The following IMMP2L variants were observed in gnomAD, a reference collection of about 807,000 sequenced individuals.
IMMP2L encodes mitochondrial inner membrane protease subunit 2.
In IMMP2L, 18 loss-of-function variants were observed where a neutral mutation model predicts 19.3. The ratio of observed to expected loss-of-function variants is 0.93; its 90% confidence interval spans 0.64 to 1.38. The LOEUF is 1.38. Among genes scored for constraint, IMMP2L ranks in the 40% most tolerant of loss-of-function variants. The probability of loss-of-function intolerance (pLI) is 0.00; values close to 1 mark genes in which losing one functional copy is unlikely to be tolerated. For missense variants in IMMP2L, 233 were observed against 218.2 expected (o/e 1.07, Z -0.43); for synonymous variants, 76 against 73.0 (o/e 1.04, Z -0.21).
At chr7:110,996,377 G>A (rs1823030972) in intron 3 of IMMP2L, among the ~76,000 whole-genome samples, 1 of 152,100 alleles carries the variant, frequency 6.6e-6, no homozygotes, top group South Asian at 2.1e-4. Context: ...GAGAGAACGA[G>A]AGGGGGGTTG....
At chr7:111,255,018 A>G (rs184843604) in intron 3 of IMMP2L, among the ~76,000 whole-genome samples, 3 of 152,226 alleles carry the variant, frequency 2.0e-5, no homozygotes, top group Non-Finnish European at 4.4e-5. Flanking sequence ...ACTACTTTAA[A>G]TTTTTAATCT....
At chr7:110,804,102 T>G (rs555461668) in intron 5 of IMMP2L, among the ~76,000 whole-genome samples, 1 of 152,172 alleles carries the variant, frequency 6.6e-6, no homozygotes, top group African/African-American at 2.4e-5. Context: ...AAACCACATG[T>G]AAACACTCTA....
At chr7:110,770,343 CATT>C (rs1415715028) in intron 5 of IMMP2L, among the ~76,000 whole-genome samples, 1 of 152,056 alleles carries the variant, frequency 6.6e-6, no homozygotes, top group Non-Finnish European at 1.5e-5. Flanking sequence ...TAATGGCACT[CATT>C]AGTGAATTAC....
At chr7:111,170,578 T>C (rs1490891137) in intron 3 of IMMP2L, among the ~76,000 whole-genome samples, 1 of 151,592 alleles carries the variant, frequency 6.6e-6, no homozygotes, top group Non-Finnish European at 1.5e-5. Flanking sequence ...CTTAGAGAGG[T>C]AGAGAATGTG....
chr7:110,801,157 T>C (rs1276264465), intron 5 of IMMP2L, among the ~76,000 whole-genome samples: 2 of 152,098 alleles, frequency 1.3e-5, no homozygotes, highest in African/African-American at 4.8e-5. Flanking sequence ...CACCTCAGTT[T>C]CCACCAGCTT....
At chr7:111,087,482 C>T (rs148028335) in intron 3 of IMMP2L, among the ~76,000 whole-genome samples, 217 of 150,190 alleles carry the variant, frequency 1.4e-3, no homozygotes, top group African/African-American at 4.7e-3. Flanking sequence ...CAACGAAACA[C>T]TAGAATAGCT....
chr7:110,905,270 T>C (rs1182726264), intron 4 of IMMP2L, among the ~76,000 whole-genome samples: 3 of 152,228 alleles, frequency 2.0e-5, no homozygotes, highest in Middle Eastern at 3.2e-3. Flanking sequence ...TTATCATTAA[T>C]GTTTAAATCA....
chr7:110,812,107 T>A (rs1802083068), intron 5 of IMMP2L, among the ~76,000 whole-genome samples: 1 of 152,062 alleles, frequency 6.6e-6, no homozygotes, highest in Admixed American at 6.6e-5. Flanking sequence ...TATGTATATA[T>A]ACATAAATGT....
chr7:111,062,531 A>G (rs545983171), intron 3 of IMMP2L, among the ~76,000 whole-genome samples: 2 of 152,294 alleles, frequency 1.3e-5, no homozygotes, highest in South Asian at 2.1e-4. Context: ...ACAGTCCCCT[A>G]AAGTCTTAAC....
intron 5 of IMMP2L, among the ~76,000 whole-genome samples, chr7:110,687,776 G>A (rs1346603079): frequency 6.6e-6 from 1 of 151,622 alleles, no homozygotes; most frequent in Admixed American, 6.6e-5. Flanking sequence ...TTTCAAAGAG[G>A]GCCACAAAAA....
chr7:111,051,232 T>C (rs1006454608), intron 3 of IMMP2L, among the ~76,000 whole-genome samples: 1 of 152,220 alleles, frequency 6.6e-6, no homozygotes, highest in African/African-American at 2.4e-5. Flanking sequence ...GACTAGTGTA[T>C]GACTGTTTAT....
intron 3 of IMMP2L, among the ~76,000 whole-genome samples, chr7:111,131,702 C>A (rs1273316878): frequency 6.6e-6 from 1 of 151,628 alleles, no homozygotes; most frequent in Non-Finnish European, 1.5e-5. Context: ...ATAATTACAA[C>A]CCAATTTATG....
At chr7:110,677,928 A>G (rs1338328664) in intron 5 of IMMP2L, among the ~76,000 whole-genome samples, 1 of 152,112 alleles carries the variant, frequency 6.6e-6, no homozygotes, top group Non-Finnish European at 1.5e-5. Flanking sequence ...CTCTGGTATC[A>G]CCATCCTGTG....
intron 3 of IMMP2L, among the ~76,000 whole-genome samples, chr7:111,306,338 A>C (rs1212468981): frequency 2.6e-5 from 4 of 152,148 alleles, no homozygotes; most frequent in Non-Finnish European, 4.4e-5. Flanking sequence ...TGTCAATTCA[A>C]CTGTAACAAA....
intron 3 of IMMP2L, among the ~76,000 whole-genome samples, chr7:111,148,369 A>C (rs906676537): frequency 6.6e-6 from 1 of 152,050 alleles, no homozygotes; most frequent in African/African-American, 2.4e-5. Context: ...AGAGGAAGGA[A>C]TAGGGAATGA....
At chr7:111,281,156 C>CA (rs1447805877) in intron 3 of IMMP2L, among the ~76,000 whole-genome samples, 1 of 67,814 alleles carries the variant, frequency 1.5e-5, no homozygotes, top group Admixed American at 1.8e-4. Flanking sequence ...GACAGAAAGA[C>CA]AGAAAGAAAG....
At chr7:110,933,542 GT>G (rs2129552020) in intron 4 of IMMP2L, among the ~76,000 whole-genome samples, 1 of 152,288 alleles carries the variant, frequency 6.6e-6, no homozygotes, top group Admixed American at 6.5e-5. Context: ...TAAAAGGTAT[GT>G]GCTTTTTTAA....
chr7:111,466,834 C>T (rs577790384), intron 3 of IMMP2L, among the ~76,000 whole-genome samples: 1 of 152,216 alleles, frequency 6.6e-6, no homozygotes, highest in East Asian at 1.9e-4. Context: ...CAACTATTTA[C>T]ATAGCATTTA....
chr7:110,953,008 T>C (rs1817988542), intron 4 of IMMP2L, among the ~76,000 whole-genome samples: 1 of 152,088 alleles, frequency 6.6e-6, no homozygotes, highest in Non-Finnish European at 1.5e-5. Flanking sequence ...AATTCTGGAA[T>C]TGTCATGTCT....
Sources: gnomAD v4.1 joint callset for allele counts (sites outside exome capture counted in the v4.1 genomes callset) on GRCh38, gnomAD v4.1.1 for gene constraint, MANE v1.5 for transcripts, NCBI Gene and HGNC (gene_info 2026-07-23, HGNC 2026-07-21) for gene names.